Variants in CDH12 observed in about 807,000 individuals in gnomAD.
CDH12 encodes the protein cadherin-12.
A neutral mutation model predicts 74.1 loss-of-function variants in CDH12; 41 were observed. The observed-to-expected ratio is 0.55, with a 90% CI of 0.43 to 0.72. The LOEUF (loss-of-function observed/expected upper bound fraction) is 0.72. Among genes scored for constraint, CDH12 ranks in the 30% least tolerant of loss-of-function variants. The pLI is 0.00. For missense variants in CDH12, 945 were observed against 977.2 expected (o/e 0.97, Z 0.44); for synonymous variants, 399 against 355.0 (o/e 1.12, Z -1.39).
chr5:22,477,546 G>A (rs774883168), intron 2 of CDH12, among the ~76,000 whole-genome samples: 7 of 152,110 alleles, frequency 4.6e-5, no homozygotes, highest in African/African-American at 7.2e-5. Context: ...TGCAATGAAC[G>A]TATGCATGCA....
intron 1 of CDH12, among the ~76,000 whole-genome samples, chr5:22,758,239 T>C (rs543943900): frequency 4.6e-5 from 7 of 152,294 alleles, no homozygotes; most frequent in Admixed American, 2.0e-4. Context: ...GCACACATTA[T>C]AGAGTTTTGT....
Position 22,728,749 on chromosome 5 carries a change from C to A in CDH12, c.-523+124309G>T, listed in dbSNP as rs184208775. ...TGGCTGTCTTCTTGCTGTGTTCTCA[C>A]GTGGCGGAGAGCAGAGAGAGAGAGG... is the stretch of plus-strand genomic sequence containing the variant. On this transcript the variant is annotated intron_variant, in intron 1 of 14. Coordinates refer to ENST00000382254, the MANE Select transcript of CDH12 (RefSeq NM_004061.5). Among the ~76,000 whole-genome samples, 11 of 151,910 alleles carry A rather than the reference C, an allele frequency of 7.2e-5. No individual in the cohort carries two copies. In the East Asian group the frequency reaches 1.6e-3, roughly 22 times the overall value.
chr5:22,290,300 G>A (rs938500159), intron 3 of CDH12, among the ~76,000 whole-genome samples: 3 of 152,034 alleles, frequency 2.0e-5, no homozygotes, highest in South Asian at 2.1e-4. Flanking sequence ...CCAAAACATC[G>A]AGATGGATTG....
chr5:22,584,074 T>C (rs1740245056), intron 1 of CDH12, among the ~76,000 whole-genome samples: 1 of 126,080 alleles, frequency 7.9e-6, no homozygotes. Flanking sequence ...ATCTATATTG[T>C]TTGCGGAATT....
intron 5 of CDH12, among the ~76,000 whole-genome samples, chr5:22,002,860 G>C (rs1486005875): frequency 6.6e-6 from 1 of 152,052 alleles, no homozygotes; most frequent in Non-Finnish European, 1.5e-5. Flanking sequence ...ATTAAAGTAT[G>C]ATTCTCTGAA....
chr5:22,634,544 G>A (rs1738736428), intron 1 of CDH12, among the ~76,000 whole-genome samples: 1 of 152,004 alleles, frequency 6.6e-6, no homozygotes, highest in African/African-American at 2.4e-5. Context: ...AAAAACACAA[G>A]TATTATGAAT....
At chr5:22,544,558 A>G (rs1222718327) in intron 1 of CDH12, among the ~76,000 whole-genome samples, 2 of 152,148 alleles carry the variant, frequency 1.3e-5, no homozygotes, top group African/African-American at 2.4e-5. Flanking sequence ...GCTCACACCT[A>G]TATTTCCAAC....
rs79131642 is a variant in CDH12 at position 22,716,990 on chromosome 5, A to C, written c.-523+136068T>G. Among the ~76,000 whole-genome samples, 1,456 of 152,326 alleles carry C rather than the reference A, an allele frequency of 9.6e-3. 71 individuals are homozygous for C. In the East Asian group the frequency reaches 0.14, roughly 15 times the overall value. The stretch of plus-strand genomic sequence containing the variant: ...TTTGTGTTTTAAGCTAAGTGCTATT[A>C]CAAGAGCCAAAAAGTTAAAAATATT... On this transcript the variant is annotated intron_variant, in intron 1 of 14. Coordinates refer to ENST00000382254, the MANE Select transcript of CDH12 (RefSeq NM_004061.5).
chr5:22,034,129 C>T (rs200861287), intron 5 of CDH12, among the ~76,000 whole-genome samples: 13 of 152,228 alleles, frequency 8.5e-5, no homozygotes, highest in South Asian at 2.1e-4. Context: ...CTGCAACCTT[C>T]GCCTTCTGGA....
intron 1 of CDH12, among the ~76,000 whole-genome samples, chr5:22,810,854 C>G (rs186808236): frequency 6.6e-6 from 1 of 151,874 alleles, no homozygotes; most frequent in Admixed American, 6.6e-5. Flanking sequence ...TGTACTCCAG[C>G]CTGGGCAACA....
intron 6 of CDH12, among the ~76,000 whole-genome samples, chr5:21,905,778 C>T (rs1327750020): frequency 6.6e-6 from 1 of 152,132 alleles, no homozygotes; most frequent in Non-Finnish European, 1.5e-5. Flanking sequence ...TGCTCTTTTT[C>T]CCTCTCCCCT....
At chr5:22,575,563 T>TTTTA (rs552649746) in intron 1 of CDH12, among the ~76,000 whole-genome samples, 225 of 152,108 alleles carry the variant, frequency 1.5e-3, no homozygotes, top group Admixed American at 3.4e-3. Context: ...TGGCTAGTTC[T>TTTTA]TTTATTTATT....
chr5:22,504,214 T>G (rs1183295880), intron 2 of CDH12, among the ~76,000 whole-genome samples: 1 of 151,948 alleles, frequency 6.6e-6, no homozygotes, highest in Non-Finnish European at 1.5e-5. Flanking sequence ...TATTAAATGG[T>G]TCATTCTATT....
intron 1 of CDH12, among the ~76,000 whole-genome samples, chr5:22,784,944 G>A (rs1308048474): frequency 6.6e-6 from 1 of 152,102 alleles, no homozygotes; most frequent in Non-Finnish European, 1.5e-5. Context: ...ATAGTCACTT[G>A]AAATACATCT....
intron 3 of CDH12, among the ~76,000 whole-genome samples, chr5:22,355,942 A>G (rs1740547450): frequency 6.6e-6 from 1 of 152,226 alleles, no homozygotes; most frequent in Admixed American, 6.5e-5. Context: ...ACCATTTAAA[A>G]GAATGGTCCA....
chr5:21,812,472 T>G (rs1241214430), intron 9 of CDH12, among the ~76,000 whole-genome samples: 1 of 152,116 alleles, frequency 6.6e-6, no homozygotes. Context: ...CTTTAAGGAT[T>G]CCTAATGATA....
chr5:22,390,920 T>TG (rs547807728), intron 3 of CDH12, among the ~76,000 whole-genome samples: 129 of 152,204 alleles, frequency 8.5e-4, no homozygotes, highest in Admixed American at 4.1e-3. Flanking sequence ...GATGTTAATG[T>TG]GAAAAAAAAA....
chr5:22,388,740 A>G (rs538322173), intron 3 of CDH12, among the ~76,000 whole-genome samples: 1 of 152,328 alleles, frequency 6.6e-6, no homozygotes, highest in African/African-American at 2.4e-5. Context: ...TAAATGTGAA[A>G]TGTTTTGGGA....
At chr5:22,501,578 A>G (rs754865443) in intron 2 of CDH12, among the ~76,000 whole-genome samples, 2 of 152,144 alleles carry the variant, frequency 1.3e-5, no homozygotes, top group Non-Finnish European at 2.9e-5. Flanking sequence ...GTGAAATCCT[A>G]ACAGGCGTGT....
Sources: allele counts gnomAD v4.1 joint callset (sites outside exome capture counted in the v4.1 genomes callset), GRCh38; gene constraint gnomAD v4.1.1; transcripts MANE v1.5; gene names NCBI Gene and HGNC (gene_info 2026-07-23, HGNC 2026-07-21).